The following MYLK variants were observed in gnomAD, a reference collection of about 807,000 sequenced individuals.
MYLK encodes the protein myosin light chain kinase, smooth muscle.
Under a neutral mutation model 203.4 loss-of-function variants are expected in MYLK, and 106 were observed. The observed-to-expected ratio is 0.52, with a 90% CI of 0.45 to 0.61. MYLK has a LOEUF of 0.61. Among genes scored for constraint, MYLK ranks in the 20% least tolerant of loss-of-function variants. The pLI, the probability that MYLK is intolerant of heterozygous loss-of-function variation, is 0.00. For missense variants in MYLK, 2,072 were observed against 2,442.3 expected, an observed-to-expected ratio of 0.85 and a Z score of 3.20; for synonymous variants, 867 against 959.5, an observed-to-expected ratio of 0.90 and a Z score of 1.78.
At chr3:123,772,072 AC>A (rs1384043326) in intron 4 of MYLK, among the ~76,000 whole-genome samples, 1 of 152,172 alleles carries the variant, frequency 6.6e-6, no homozygotes, top group Admixed American at 6.5e-5. Context: ...AAAGGTATGC[AC>A]ATGCACTTCA....
chr3:123,666,353 G>C lies in MYLK; in HGVS notation c.3704-7C>G, dbSNP rs762887020. 1.9e-6 allele frequency: 3 copies of C among 1,614,208 alleles called. No individual in the cohort carries two copies. Among genetic ancestry groups the C allele is most frequent in the Non-Finnish European group, 2.5e-6 (3 of 1,180,042 alleles). On this transcript the variant is annotated splice_polypyrimidine_tract_variant and splice_region_variant and intron_variant, in intron 21 of 33. Coordinates refer to ENST00000360304, the MANE Select transcript of MYLK (RefSeq NM_053025.4). ...ATGATCTGAGGGGGCATTGCTGAGGGAGGACAGGGAGAAAGTGAGCGAGGC... is the reference window on the plus strand; with the variant it reads ...ATGATCTGAGGGGGCATTGCTGAGGCAGGACAGGGAGAAAGTGAGCGAGGC...
chr3:123,774,911 C>A (rs2064013901), intron 4 of MYLK, among the ~76,000 whole-genome samples: 1 of 152,166 alleles, frequency 6.6e-6, no homozygotes, highest in South Asian at 2.1e-4. Context: ...CGTTGAGCAC[C>A]CTTCACCGTT....
rs72972344 is a variant in MYLK at position 123,810,644 on chromosome 3, C to T, written c.-3-16800G>A. 5.7e-3 allele frequency among the ~76,000 whole-genome samples: 866 copies of T among 152,364 alleles called. 4 individuals carry two copies. Among genetic ancestry groups the T allele is most frequent in the African/African-American group, 0.018 (751 of 41,590 alleles). On this transcript the variant is annotated intron_variant, in intron 3 of 33. Coordinates refer to ENST00000360304, the MANE Select transcript of MYLK (RefSeq NM_053025.4). The stretch of plus-strand genomic sequence containing the variant: ...ACAGGCTCAGGACAGTTCTCACCTT[C>T]CCTGTCGTGCTCCTCAGGTAGGCAG...
Position 123,786,373 on chromosome 3 carries a change from GA to G in MYLK, c.165+7303del, listed in dbSNP as rs145021359. Among the ~76,000 whole-genome samples, 493 of 151,668 alleles carry G rather than the reference GA, an allele frequency of 3.3e-3. 1 individual carries two copies. The highest frequency in any genetic ancestry group is 5.7e-3 in the Non-Finnish European group (387 of 67,930). On this transcript the variant is annotated intron_variant, in intron 4 of 33. Coordinates refer to ENST00000360304, the MANE Select transcript of MYLK (RefSeq NM_053025.4). ...TATAAAAGTATTATAGGCGTTCAGAGAAGGGAACAATTGAGGGTTAGAAAGT... is the reference window on the plus strand; with the variant it reads ...TATAAAAGTATTATAGGCGTTCAGAGAGGGAACAATTGAGGGTTAGAAAGT...
chr3:123,851,309 G>T (rs2030770693), intron 2 of MYLK, among the ~76,000 whole-genome samples: 1 of 152,060 alleles, frequency 6.6e-6, no homozygotes, highest in African/African-American at 2.4e-5. Context: ...GATGGGGATG[G>T]CCTGAATCTA....
At chr3:123,820,221 C>T (rs1282477544) in intron 3 of MYLK, among the ~76,000 whole-genome samples, 3 of 152,150 alleles carry the variant, frequency 2.0e-5, no homozygotes, top group African/African-American at 7.2e-5. Flanking sequence ...GAACAGAAAT[C>T]TGAGAAATCT....
At chr3:123,866,135 G>C (rs1283974321) in intron 2 of MYLK, among the ~76,000 whole-genome samples, 1 of 152,170 alleles carries the variant, frequency 6.6e-6, no homozygotes, top group African/African-American at 2.4e-5. Context: ...ACTGTGTCCT[G>C]TTCAAATTCC....
At chr3:123,790,361 C>A (rs1308804995) in intron 4 of MYLK, among the ~76,000 whole-genome samples, 1 of 152,184 alleles carries the variant, frequency 6.6e-6, no homozygotes, top group African/African-American at 2.4e-5. Flanking sequence ...CAGTGGACCC[C>A]ATCATGGAAC....
intron 2 of MYLK, among the ~76,000 whole-genome samples, chr3:123,834,595 C>A (rs551874319): frequency 6.6e-6 from 1 of 151,396 alleles, no homozygotes; most frequent in Non-Finnish European, 1.5e-5. Context: ...CATTGGGATG[C>A]GCAGTGGGAT....
At chr3:123,687,577 T>C (rs1460581782) in intron 19 of MYLK, among the ~76,000 whole-genome samples, 1 of 152,036 alleles carries the variant, frequency 6.6e-6, no homozygotes, top group African/African-American at 2.4e-5. Context: ...TGACCCTTCC[T>C]TCCTTCCTTT....
At position 123,610,447 on chromosome 3, in the gene MYLK, C is replaced by T. The variant is rs1292569864; in HGVS notation, c.*3658G>A. ...TGGCTAGAGACCCAGATGGCTGCAG[C>T]AGCCACCATCTCATGTGTTGCCCGT... On this transcript the variant is annotated 3_prime_UTR_variant, in exon 34 of 34. Coordinates refer to ENST00000360304, the MANE Select transcript of MYLK (RefSeq NM_053025.4). 6.6e-6 allele frequency: 1 copy of T among 152,150 alleles called. No individual in the cohort carries two copies. The highest frequency in any genetic ancestry group is 2.4e-5 in the African/African-American group (1 of 41,438). 9.4% of individuals were successfully genotyped at this position (152,150 alleles called of 1,614,324 possible).
intron 6 of MYLK, 24 bp from the exon 7 acceptor site, chr3:123,739,086 C>T: frequency 6.2e-7 from 1 of 1,612,748 alleles, no homozygotes; most frequent in South Asian, 1.1e-5. Flanking sequence ...GGCAGAGAAT[C>T]CAGTCCCAGA....
intron 2 of MYLK, among the ~76,000 whole-genome samples, chr3:123,857,270 C>T (rs2148679501): frequency 6.6e-6 from 1 of 152,178 alleles, no homozygotes; most frequent in African/African-American, 2.4e-5. Flanking sequence ...CTAGAAATAC[C>T]ATTTGACCCA....
chr3:123,753,363 T>C (rs1473956147), intron 4 of MYLK, among the ~76,000 whole-genome samples: 1 of 152,218 alleles, frequency 6.6e-6, no homozygotes, highest in Admixed American at 6.5e-5. Context: ...GACAGTCCTA[T>C]GGGGTAGTGC....
intron 11 of MYLK, 31 bp from the exon 12 acceptor site, chr3:123,726,109 T>C (rs1414772253): frequency 6.2e-7 from 1 of 1,613,378 alleles, no homozygotes; most frequent in African/African-American, 1.3e-5. Context: ...TCAGCTCAGA[T>C]CACAGCTTGC....
chr3:123,671,579 A>G (rs1016757085), intron 20 of MYLK, among the ~76,000 whole-genome samples: 1 of 152,208 alleles, frequency 6.6e-6, no homozygotes, highest in Non-Finnish European at 1.5e-5. Flanking sequence ...TCCATGGGAC[A>G]GCATGGTCCA....
intron 8 of MYLK, 44 bp from the exon 9 acceptor site, chr3:123,735,460 G>A: frequency 1.2e-6 from 2 of 1,612,788 alleles, no homozygotes; most frequent in African/African-American, 1.3e-5. Context: ...GTAGAATGCT[G>A]TATACACCAA....
At chr3:123,682,413 C>G (rs2060300460) in intron 19 of MYLK, 103 bp from the exon 20 acceptor site, 1 of 919,850 alleles carries the variant, frequency 1.1e-6, no homozygotes, top group Non-Finnish European at 1.7e-6. Flanking sequence ...CTCCCCAACT[C>G]TGAGGGCCCT....
intron 4 of MYLK, among the ~76,000 whole-genome samples, chr3:123,777,074 G>A (rs1252821681): frequency 6.6e-6 from 1 of 152,190 alleles, no homozygotes; most frequent in African/African-American, 2.4e-5. Flanking sequence ...GTAGAATATT[G>A]CATTTTTACT....
Sources: gnomAD v4.1 joint callset for allele counts (sites outside exome capture counted in the v4.1 genomes callset) on GRCh38, gnomAD v4.1.1 for gene constraint, MANE v1.5 for transcripts, NCBI Gene and HGNC (gene_info 2026-07-23, HGNC 2026-07-21) for gene names.